Variants in ADARB2 observed in about 807,000 individuals in gnomAD.
The protein encoded by ADARB2 is adenosine deaminase RNA specific B2 (inactive), also known as inactive double-stranded RNA-specific editase B2.
In ADARB2, 25 loss-of-function variants were observed where a neutral mutation model predicts 62.2. That is an observed-to-expected ratio of 0.40 (90% CI 0.29 to 0.56). The LOEUF (loss-of-function observed/expected upper bound fraction) is 0.56, where lower values mean the gene tolerates loss of function less well. Ranked by LOEUF, ADARB2 falls within the 20% of genes least tolerant of loss-of-function variation. The pLI is 0.43. For missense variants in ADARB2, 1,071 were observed against 1,077.4 expected, an observed-to-expected ratio of 0.99 and a Z score of 0.08; for synonymous variants, 572 against 500.8, an observed-to-expected ratio of 1.14 and a Z score of -1.90.
intron 4 of ADARB2, among the ~76,000 whole-genome samples, chr10:1,265,610 AG>A (rs879661362): frequency 0.025 from 2,892 of 113,684 alleles, 287 homozygotes; most frequent in African/African-American, 0.13. Context: ...ACGGCCTGAG[AG>A]GGGGGCCCAG....
intron 1 of ADARB2, among the ~76,000 whole-genome samples, chr10:1,540,294 G>A (rs1180560461): frequency 6.6e-6 from 1 of 151,716 alleles, no homozygotes; most frequent in Non-Finnish European, 1.5e-5. Context: ...AACGTGGTCA[G>A]GAGGAGAATG....
intron 1 of ADARB2, among the ~76,000 whole-genome samples, chr10:1,659,581 G>T (rs1401084260): frequency 6.6e-6 from 1 of 152,252 alleles, no homozygotes; most frequent in Non-Finnish European, 1.5e-5. Flanking sequence ...AGAACGATGA[G>T]GCTGGAATAC....
chr10:1,233,664 C>A, intron 6 of ADARB2, 30 bp downstream of exon 6: 2 of 1,586,394 alleles, frequency 1.3e-6, no homozygotes, highest in Non-Finnish European at 1.7e-6. Context: ...GGGCTGTTGG[C>A]CTACAGAAGG....
At chr10:1,257,363 T>C (rs1282906617) in intron 4 of ADARB2, among the ~76,000 whole-genome samples, 1 of 152,150 alleles carries the variant, frequency 6.6e-6, no homozygotes. Context: ...GGCTCCTCCC[T>C]GAGCCACCTG....
At chr10:1,490,361 C>G (rs867833890) in intron 1 of ADARB2, among the ~76,000 whole-genome samples, 1 of 152,184 alleles carries the variant, frequency 6.6e-6, no homozygotes, top group Admixed American at 6.5e-5. Context: ...AAGCACTTAA[C>G]TGTTTACAAG....
intron 1 of ADARB2, among the ~76,000 whole-genome samples, chr10:1,567,185 C>G (rs371170947): frequency 7.9e-5 from 12 of 152,066 alleles, no homozygotes; most frequent in East Asian, 3.9e-4. Context: ...GTCCTCCCCC[C>G]ACCGAGAAGC....
intron 1 of ADARB2, among the ~76,000 whole-genome samples, chr10:1,429,549 G>A (rs1390180680): frequency 1.3e-5 from 2 of 152,172 alleles, no homozygotes; most frequent in Non-Finnish European, 2.9e-5. Context: ...CAGGACAAAG[G>A]TTATTGCTCT....
At chr10:1,559,885 C>T (rs547757520) in intron 1 of ADARB2, among the ~76,000 whole-genome samples, 28 of 152,298 alleles carry the variant, frequency 1.8e-4, no homozygotes, top group African/African-American at 5.1e-4. Flanking sequence ...TAGAGATGGG[C>T]GGCTTCTCAG....
intron 4 of ADARB2, among the ~76,000 whole-genome samples, chr10:1,251,090 A>G (rs1831033809): frequency 6.6e-6 from 1 of 152,246 alleles, no homozygotes; most frequent in Admixed American, 6.5e-5. Context: ...TAAATTCCAA[A>G]TTGATCAATG....
chr10:1,299,136 G>A (rs1292716251), intron 3 of ADARB2, among the ~76,000 whole-genome samples: 1 of 151,978 alleles, frequency 6.6e-6, no homozygotes, highest in Non-Finnish European at 1.5e-5. Context: ...AATGTCTTGT[G>A]TGTTAAGAAG....
At chr10:1,720,652 T>C (rs1835079358) in intron 1 of ADARB2, among the ~76,000 whole-genome samples, 1 of 152,158 alleles carries the variant, frequency 6.6e-6, no homozygotes, top group African/African-American at 2.4e-5. Context: ...TATTGTCTCA[T>C]GGATGATGGG....
intron 1 of ADARB2, among the ~76,000 whole-genome samples, chr10:1,576,138 A>C (rs74108922): frequency 2.1e-4 from 7 of 32,614 alleles, no homozygotes; most frequent in East Asian, 1.2e-3. Context: ...CAGGGTCACA[A>C]GAGGGGGGTC....
chr10:1,566,909 CTT>C (rs1406085437), intron 1 of ADARB2, among the ~76,000 whole-genome samples: 1 of 152,002 alleles, frequency 6.6e-6, no homozygotes, highest in Non-Finnish European at 1.5e-5. Context: ...CTATAATTGA[CTT>C]AAAATTAATA....
chr10:1,696,153 T>TATGC (rs765747934), intron 1 of ADARB2, among the ~76,000 whole-genome samples: 346 of 151,282 alleles, frequency 2.3e-3, no homozygotes, highest in Non-Finnish European at 4.3e-3. Flanking sequence ...ATATTGTGTG[T>TATGC]ATGTGTTTGC....
intron 1 of ADARB2, among the ~76,000 whole-genome samples, chr10:1,433,620 C>T (rs1830799034): frequency 6.6e-6 from 1 of 152,140 alleles, no homozygotes; most frequent in Non-Finnish European, 1.5e-5. Context: ...ATTCGATCCA[C>T]TTTGTCCAAC....
chr10:1,540,589 T>TCATAG lies in ADARB2; in HGVS notation c.101-161430_101-161429insCTATG, dbSNP rs558786502. ...ACTCAGATGTAGTTCAGACCCTGGA[T>TCATAG]CCGTCCAGACCCCACTCAGACGCAG... On this transcript the variant is annotated intron_variant, in intron 1 of 9. Coordinates refer to ENST00000381312, the MANE Select transcript of ADARB2 (RefSeq NM_018702.4). Among the ~76,000 whole-genome samples, 14 of 44,254 alleles carry TCATAG rather than the reference T, an allele frequency of 3.2e-4. 1 individual carries two copies. Among genetic ancestry groups the TCATAG allele is most frequent in the East Asian group, 1.3e-3 (1 of 784 alleles). The allele number at this position is 44,254 out of a possible 152,430, so 29.0% of individuals were successfully genotyped here.
At chr10:1,390,224 G>A (rs1017674646) in intron 1 of ADARB2, among the ~76,000 whole-genome samples, 3 of 152,232 alleles carry the variant, frequency 2.0e-5, no homozygotes, top group Non-Finnish European at 4.4e-5. Flanking sequence ...AATATGCAGT[G>A]TGGTTCCATT....
chr10:1,448,285 T>C (rs1291096755), intron 1 of ADARB2, among the ~76,000 whole-genome samples: 1 of 152,194 alleles, frequency 6.6e-6, no homozygotes, highest in Non-Finnish European at 1.5e-5. Flanking sequence ...GAAACAAATG[T>C]GAATGAGACA....
chr10:1,724,116 G>T (rs1329093452), intron 1 of ADARB2, among the ~76,000 whole-genome samples: 2 of 152,176 alleles, frequency 1.3e-5, no homozygotes, highest in African/African-American at 4.8e-5. Context: ...TGAAGATGGG[G>T]TCTTTAAAGA....
Sources: gnomAD v4.1 joint callset for allele counts (sites outside exome capture counted in the v4.1 genomes callset) on GRCh38, gnomAD v4.1.1 for gene constraint, MANE v1.5 for transcripts, NCBI Gene and HGNC (gene_info 2026-07-23, HGNC 2026-07-21) for gene names.